The following MAPKAPK3 variants were observed in gnomAD, a reference collection of about 807,000 sequenced individuals.
MAPKAPK3 encodes MAP kinase-activated protein kinase 3.
Under a neutral mutation model 49.2 loss-of-function variants are expected in MAPKAPK3, and 35 were observed. The ratio of observed to expected loss-of-function variants is 0.71; its 90% CI spans 0.54 to 0.94. MAPKAPK3 has a LOEUF of 0.94. Ranked by LOEUF, MAPKAPK3 falls within the 40% of genes least tolerant of loss-of-function variation. The probability of loss-of-function intolerance (pLI) is 0.00; values close to 1 mark genes in which losing one functional copy is unlikely to be tolerated. For synonymous variants in MAPKAPK3, 178 were observed against 188.7 expected (o/e 0.94, Z 0.46); for missense variants, 398 against 493.1 (o/e 0.81, Z 1.83).
chr3:50,619,096 G>T (rs1445413462), intron 2 of MAPKAPK3, among the ~76,000 whole-genome samples: 1 of 152,218 alleles, frequency 6.6e-6, no homozygotes, highest in Admixed American at 6.5e-5. Context: ...CTAGACTCTG[G>T]AAGCCAGGTT....
At chr3:50,632,906 C>A (rs1178817948) in intron 2 of MAPKAPK3, among the ~76,000 whole-genome samples, 1 of 152,192 alleles carries the variant, frequency 6.6e-6, no homozygotes, top group Non-Finnish European at 1.5e-5. Flanking sequence ...ATGGGGACAC[C>A]CATGTGTGGG....
At chr3:50,611,653 C>A (rs1173925437), upstream of MAPKAPK3, 2 of 1,490,926 alleles carry the variant, frequency 1.3e-6, no homozygotes, top group African/African-American at 2.9e-5. Flanking sequence ...AGGACCATGT[C>A]CCCGCGGCAG....
chr3:50,626,952 G>A (rs1343571753), intron 2 of MAPKAPK3, among the ~76,000 whole-genome samples: 3 of 152,108 alleles, frequency 2.0e-5, no homozygotes, highest in South Asian at 2.1e-4. Flanking sequence ...CAGCACTTTG[G>A]GAGGCTGACG....
intron 2 of MAPKAPK3, among the ~76,000 whole-genome samples, chr3:50,639,914 G>A (rs2033135256): frequency 6.6e-6 from 1 of 152,192 alleles, no homozygotes; most frequent in Non-Finnish European, 1.5e-5. Context: ...GTGCTATCCT[G>A]TACAATTTAC....
chr3:50,611,715 A>T, upstream of MAPKAPK3: 2 of 1,433,706 alleles, frequency 1.4e-6, no homozygotes. Context: ...GGAGGGAACC[A>T]GTGGGCGCGG....
chr3:50,644,452 T>G lies in MAPKAPK3; in HGVS notation c.548T>G (p.Leu183Arg). Residue 183 changes from leucine (L) to arginine (R), a missense_variant, in exon 6 of 11, where the codon CTT becomes CGT. By Grantham distance (102) the Leu-to-Arg change is moderately radical. This residue lies in a region of MAPKAPK3 where 41 missense variants were observed against 35.8 expected (regional missense o/e 1.15). Coordinates refer to ENST00000621469, the MANE Select transcript of MAPKAPK3 (RefSeq NM_001243925.2). ...ACATCTAAGGAGAAAGACGCAGTGC[T>G]TAAGCTCACCGATTTTGGCTTTGCT... is the stretch of plus-strand genomic sequence containing the variant. ...LYTSKEKDAV[L>R]KLTDFGFAKE... is the part of the protein sequence containing the mutation. The G allele has an allele frequency of 1.2e-6, 2 of 1,614,214 alleles. No homozygotes were observed. The highest frequency in any genetic ancestry group is 2.2e-5 in the South Asian group (2 of 91,086).
chr3:50,623,611 G>A (rs1005133276), intron 2 of MAPKAPK3, among the ~76,000 whole-genome samples: 1 of 152,204 alleles, frequency 6.6e-6, no homozygotes, highest in African/African-American at 2.4e-5. Context: ...TGTCCACAGT[G>A]CACAACAAGG....
chr3:50,646,846 T>C, intron 9 of MAPKAPK3, 21 bp downstream of exon 9: 1 of 1,611,116 alleles, frequency 6.2e-7, no homozygotes, highest in Non-Finnish European at 8.5e-7. Flanking sequence ...CCTCCTCCCA[T>C]GGCAGGCAGG....
At chr3:50,639,648 TC>T (rs532373150) in intron 2 of MAPKAPK3, among the ~76,000 whole-genome samples, 21 of 152,148 alleles carry the variant, frequency 1.4e-4, no homozygotes, top group Non-Finnish European at 2.9e-4. Context: ...TGGCCTTGTC[TC>T]CCTCCACTCT....
upstream of MAPKAPK3, chr3:50,611,657 G>A: frequency 2.7e-6 from 4 of 1,487,530 alleles, no homozygotes; most frequent in East Asian, 2.9e-5. Context: ...CCATGTCCCC[G>A]CGGCAGCGGC....
At chr3:50,611,810 G>T, upstream of MAPKAPK3, 2 of 972,698 alleles carry the variant, frequency 2.1e-6, no homozygotes, top group South Asian at 2.2e-5. Context: ...CGAGGGCGAG[G>T]GGGGCGGGCC....
At chr3:50,645,251 C>T (rs930477803) in intron 6 of MAPKAPK3, among the ~76,000 whole-genome samples, 1 of 152,154 alleles carries the variant, frequency 6.6e-6, no homozygotes, top group African/African-American at 2.4e-5. Context: ...CACCTCATTG[C>T]ACAGGGAAGA....
rs765735423 is a variant in MAPKAPK3, at chr3:50,644,457, C to T, written c.553C>T (p.Leu185Phe). Residue 185 changes from leucine (L) to phenylalanine (F), a missense_variant, in exon 6 of 11, where the codon CTC becomes TTC. This residue lies in a region of MAPKAPK3 where 41 missense variants were observed against 35.8 expected (regional missense o/e 1.15). Transcript: ENST00000621469. Reference protein sequence around the residue: ...TSKEKDAVLKLTDFGFAKETT... With the variant: ...TSKEKDAVLKFTDFGFAKETT... ...TAAGGAGAAAGACGCAGTGCTTAAGCTCACCGATTTTGGCTTTGCTAAGGA... is the reference window on the plus strand; with the variant it reads ...TAAGGAGAAAGACGCAGTGCTTAAGTTCACCGATTTTGGCTTTGCTAAGGA... 1.2e-6 allele frequency: 2 copies of T among 1,614,206 alleles called. No individual in the cohort carries two copies. Among genetic ancestry groups the T allele is most frequent in the Non-Finnish European group, 8.5e-7 (1 of 1,180,020 alleles).
intron 2 of MAPKAPK3, among the ~76,000 whole-genome samples, chr3:50,630,871 T>C (rs2032887437): frequency 6.6e-6 from 1 of 152,160 alleles, no homozygotes; most frequent in Non-Finnish European, 1.5e-5. Flanking sequence ...CCTTGTTGGG[T>C]TATGGTGACC....
At chr3:50,628,211 C>A (rs1358081726) in intron 2 of MAPKAPK3, among the ~76,000 whole-genome samples, 1 of 152,302 alleles carries the variant, frequency 6.6e-6, no homozygotes, top group East Asian at 1.9e-4. Context: ...GCCTGGCCTG[C>A]TGAGTGCTTC....
In MAPKAPK3 at chr3:50,640,406, A is replaced by T. The variant is rs748745169; in HGVS notation, c.260A>T (p.His87Leu). The T allele has an allele frequency of 2.5e-6, 4 of 1,614,124 alleles. No homozygotes were observed. The South Asian group carries it at 3.3e-5, about 13-fold the overall frequency. ...DSPKARQEVD[H>L]HWQASGGPHI... ...CCCAAGGCCCGGCAGGAGGTAGACC[A>T]TCACTGGCAGGCTTCTGGCGGCCCC... The change falls in exon 3 of 11, where the codon CAT becomes CTT. Residue 87 changes from histidine to leucine, a missense_variant. By Grantham distance (99) the His-to-Leu change is moderately conservative. Coordinates refer to ENST00000621469, the MANE Select transcript of MAPKAPK3 (RefSeq NM_001243925.2).
At chr3:50,630,859 A>G (rs2032887122) in intron 2 of MAPKAPK3, among the ~76,000 whole-genome samples, 1 of 152,188 alleles carries the variant, frequency 6.6e-6, no homozygotes, top group South Asian at 2.1e-4. Flanking sequence ...GGCGCTGCTG[A>G]TCCTTGTTGG....
chr3:50,617,542 G>A lies in MAPKAPK3; in HGVS notation c.-24G>A. ...CCACTAGAAGCGCCAGGCTGGGGCC[G>A]CCTCTGAGCGCCCCGCGGGGGCCAT... On this transcript the variant is annotated 5_prime_UTR_variant, in exon 2 of 11. Coordinates refer to ENST00000621469, the MANE Select transcript of MAPKAPK3 (RefSeq NM_001243925.2). The A allele has an allele frequency of 8.1e-7, 1 of 1,237,708 alleles. No individual in the cohort carries two copies. The highest frequency in any genetic ancestry group is 1.2e-6 in the Non-Finnish European group (1 of 857,962). 76.7% of individuals were successfully genotyped at this position (1,237,708 alleles called of 1,614,324 possible). A position where few individuals can be genotyped will look rare whatever the true frequency, so the allele number is the denominator to read the frequency against.
Position 50,617,619 on chromosome 3 carries a change from A to G in MAPKAPK3, c.54A>G (p.Ala18=), listed in dbSNP as rs895182858. 1.2e-6 allele frequency: 2 copies of G among 1,606,012 alleles called. No homozygotes were observed. Among genetic ancestry groups the G allele is most frequent in the Non-Finnish European group, 1.7e-6 (2 of 1,174,460 alleles). ...EQGGPVPPPV[A]PGGPGLGGAP... is the part of the protein sequence containing the mutation. The stretch of plus-strand genomic sequence containing the variant: ...GGGGCCCTGTGCCCCCGCCAGTTGC[A>G]CCCGGCGGACCCGGCTTGGGCGGTG... Residue 18 remains alanine (A), a synonymous_variant, in exon 2 of 11, where the codon GCA becomes GCG. Coordinates refer to ENST00000621469, the MANE Select transcript of MAPKAPK3 (RefSeq NM_001243925.2).
Sources: allele counts gnomAD v4.1 joint callset (sites outside exome capture counted in the v4.1 genomes callset), GRCh38; gene constraint gnomAD v4.1.1; regional missense constraint gnomAD v4.1.1; transcripts MANE v1.5; gene names NCBI Gene and HGNC (gene_info 2026-07-23, HGNC 2026-07-21).